SLAMF1: variants seen among roughly 807,000 people sequenced by gnomAD.
The protein encoded by SLAMF1 is signaling lymphocytic activation molecule.
A neutral mutation model predicts 35.1 loss-of-function variants in SLAMF1; 18 were observed. The ratio of observed to expected loss-of-function variants is 0.51; its 90% CI spans 0.35 to 0.76. The LOEUF is 0.76. SLAMF1 is among the 30% of genes least tolerant of loss of function. SLAMF1 has a pLI of 0.01. For synonymous variants in SLAMF1, 168 were observed against 157.2 expected (o/e 1.07, Z -0.51); for missense variants, 392 against 413.0 (o/e 0.95, Z 0.44).
intron 4 of SLAMF1, among the ~76,000 whole-genome samples, chr1:160,622,704 G>A (rs1297865908): frequency 1.3e-5 from 2 of 152,162 alleles, no homozygotes; most frequent in African/African-American, 4.8e-5. Context: ...TTTTGCAGAC[G>A]AGAAGTTAAG....
At chr1:160,625,850 T>TGTATGG (rs1659856200) in intron 3 of SLAMF1, among the ~76,000 whole-genome samples, 1 of 147,288 alleles carries the variant, frequency 6.8e-6, no homozygotes, top group Non-Finnish European at 1.5e-5. Context: ...TGTGTGTGTG[T>TGTATGG]GTGTATGTGT....
chr1:160,629,922 T>C (rs1166709150), intron 3 of SLAMF1, among the ~76,000 whole-genome samples: 2 of 152,188 alleles, frequency 1.3e-5, no homozygotes, highest in African/African-American at 2.4e-5. Flanking sequence ...TCTAAGTGAC[T>C]CTGAAACAAT....
intron 1 of SLAMF1, among the ~76,000 whole-genome samples, chr1:160,640,612 T>C (rs912116348): frequency 6.6e-6 from 1 of 151,778 alleles, no homozygotes; most frequent in South Asian, 2.1e-4. Flanking sequence ...TATTGGAAAA[T>C]TGGACACACT....
At chr1:160,630,347 T>TA (rs1660100874) in intron 3 of SLAMF1, among the ~76,000 whole-genome samples, 1 of 152,192 alleles carries the variant, frequency 6.6e-6, no homozygotes, top group Non-Finnish European at 1.5e-5. Flanking sequence ...AAATGTCACC[T>TA]AAAGAAAAAG....
At chr1:160,639,389 C>T (rs945765846) in intron 1 of SLAMF1, among the ~76,000 whole-genome samples, 1 of 152,114 alleles carries the variant, frequency 6.6e-6, no homozygotes, top group African/African-American at 2.4e-5. Flanking sequence ...CCATGCACTG[C>T]TAATTTTTTG....
chr1:160,617,438 C>T (rs896905403), intron 5 of SLAMF1, among the ~76,000 whole-genome samples: 5 of 152,048 alleles, frequency 3.3e-5, no homozygotes, highest in South Asian at 2.1e-4. Flanking sequence ...CATCAATAGT[C>T]AACTGGATAA....
chr1:160,612,563 A>G lies in SLAMF1; in HGVS notation c.882T>C (p.Leu294=), dbSNP rs371587106. 7 of 1,611,752 alleles carry G rather than the reference A, an allele frequency of 4.3e-6. No individual in the cohort carries two copies. The East Asian group carries it at 1.1e-4, about 26-fold the overall frequency. Residue 294 remains leucine, a synonymous_variant, in exon 6 of 7, where the codon CTT becomes CTC. Coordinates refer to ENST00000302035, the MANE Select transcript of SLAMF1 (RefSeq NM_003037.5). ...AAGGGTCCTGAGCTGGGAAGGAGTC[A>G]AGTTTCTTCTGAAGAGGCTACAAGA... ...VQKPGPLQKK[L]DSFPAQDPCT... is the part of the protein sequence containing the mutation.
intron 1 of SLAMF1, among the ~76,000 whole-genome samples, chr1:160,640,208 C>A (rs1278054384): frequency 1.3e-5 from 2 of 151,590 alleles, no homozygotes; most frequent in East Asian, 3.9e-4. Flanking sequence ...CCAAGACCTA[C>A]AAACAGGTGC....
At chr1:160,637,766 T>G (rs1339093930) in intron 1 of SLAMF1, among the ~76,000 whole-genome samples, 1 of 152,170 alleles carries the variant, frequency 6.6e-6, no homozygotes. Context: ...ATAGATTAAC[T>G]AGAGTACTGG....
At chr1:160,616,688 A>T (rs556906022) in intron 5 of SLAMF1, among the ~76,000 whole-genome samples, 38 of 152,260 alleles carry the variant, frequency 2.5e-4, no homozygotes, top group Non-Finnish European at 5.3e-4. Context: ...TCAAAGGGAA[A>T]TGGGCAAGAG....
chr1:160,624,730 T>A (rs910581887), intron 3 of SLAMF1, among the ~76,000 whole-genome samples: 25 of 152,362 alleles, frequency 1.6e-4, no homozygotes, highest in Admixed American at 3.3e-4. Context: ...AAGGAAAGTA[T>A]TTAGTCTTTC....
At chr1:160,638,281 CT>C (rs1216934015) in intron 1 of SLAMF1, among the ~76,000 whole-genome samples, 1 of 152,136 alleles carries the variant, frequency 6.6e-6, no homozygotes, top group African/African-American at 2.4e-5. Context: ...GACGACTTTG[CT>C]TTTTGTTTCA....
In SLAMF1 at chr1:160,640,679, G is replaced by A. The variant is rs148758722; in HGVS notation, c.77-3150C>T. Among the ~76,000 whole-genome samples, 34 of 151,962 alleles carry A rather than the reference G, an allele frequency of 2.2e-4. No homozygotes were observed. The East Asian group carries it at 4.6e-3, about 21-fold the overall frequency. On this transcript the variant is annotated intron_variant, in intron 1 of 6. Transcript: ENST00000302035. ...GAAATCCCCATGTTGCTCAGTAAAG[G>A]GCTCAGCTAATAGTAGACTAGAGAT...
intron 3 of SLAMF1, among the ~76,000 whole-genome samples, chr1:160,630,731 T>C (rs6664149): frequency 0.044 from 6,651 of 152,240 alleles, 256 homozygotes; most frequent in African/African-American, 0.11. Context: ...CTGTTCTCTA[T>C]ACTACTGGAG....
At chr1:160,634,172 G>C (rs1415525140) in intron 3 of SLAMF1, among the ~76,000 whole-genome samples, 1 of 152,174 alleles carries the variant, frequency 6.6e-6, no homozygotes, top group East Asian at 1.9e-4. Context: ...AGAGAGGAGA[G>C]ATCACATATC....
chr1:160,621,325 C>T (rs1316246945), intron 4 of SLAMF1, among the ~76,000 whole-genome samples: 1 of 152,030 alleles, frequency 6.6e-6, no homozygotes, highest in Admixed American at 6.5e-5. Flanking sequence ...CTATGGGAGG[C>T]TGAGGTGGGC....
At chr1:160,638,599 G>A (rs1660578505) in intron 1 of SLAMF1, among the ~76,000 whole-genome samples, 2 of 152,204 alleles carry the variant, frequency 1.3e-5, no homozygotes, top group Middle Eastern at 3.4e-3. Flanking sequence ...TTCCTTTACA[G>A]CAAAGTGCTT....
chr1:160,618,731 A>G (rs971102438), intron 5 of SLAMF1, among the ~76,000 whole-genome samples: 4 of 152,178 alleles, frequency 2.6e-5, no homozygotes, highest in African/African-American at 9.7e-5. Flanking sequence ...AGTGACTACC[A>G]TATGTCATGC....
At chr1:160,637,023 C>A (rs1660486479) in intron 2 of SLAMF1, 168 bp downstream of exon 2, 2 of 597,860 alleles carry the variant, frequency 3.3e-6, no homozygotes, top group Admixed American at 3.0e-5. Context: ...AAAAAAATGT[C>A]AACCTTTAAA....
Sources: allele counts gnomAD v4.1 joint callset (sites outside exome capture counted in the v4.1 genomes callset), GRCh38; gene constraint gnomAD v4.1.1; transcripts MANE v1.5; gene names NCBI Gene and HGNC (gene_info 2026-07-23, HGNC 2026-07-21).